GLMN: variants seen among roughly 807,000 people sequenced by gnomAD.
GLMN encodes glomulin.
GLMN carries 75 observed loss-of-function variants against 87.8 expected under a neutral mutation model. The ratio of observed to expected loss-of-function variants is 0.85; its 90% CI spans 0.71 to 1.04. The LOEUF is 1.04. GLMN is among the 50% of genes least tolerant of loss of function. The pLI, the probability that GLMN is intolerant of heterozygous loss-of-function variation, is 0.00. For synonymous variants in GLMN, 206 were observed against 221.6 expected (o/e 0.93, Z 0.63); for missense variants, 588 against 658.8 (o/e 0.89, Z 1.18).
At chr1:92,361,748 T>C in the GLMN span, among the ~76,000 whole-genome samples, 1 of 152,222 alleles carries the variant, frequency 6.6e-6, no homozygotes, top group Admixed American at 6.5e-5. Context: ...ATCTTTTAAT[T>C]CATTAGTTAT....
In GLMN at chr1:92,262,938, A is replaced by C; in HGVS notation, c.1410-12T>G. 1.0e-6 allele frequency: 1 copy of C among 963,890 alleles called. No homozygotes were observed. The highest frequency in any genetic ancestry group is 1.7e-6 in the Non-Finnish European group (1 of 592,822). The allele number at this position is 963,890 out of a possible 1,614,324, so 59.7% of individuals were successfully genotyped here. A position where few individuals can be genotyped will look rare whatever the true frequency, so the allele number is the denominator to read the frequency against. On this transcript the variant is annotated splice_polypyrimidine_tract_variant and intron_variant, in intron 15 of 18. Transcript: ENST00000370360. ...ATGAAGCCATAATCCTGTTAATTAA[A>C]AATATATGTTACTTACAGTATGGTT...
the GLMN span, among the ~76,000 whole-genome samples, chr1:92,328,775 T>A: frequency 2.5e-4 from 38 of 152,338 alleles, no homozygotes; most frequent in African/African-American, 8.9e-4. Context: ...TTGGGTAGAC[T>A]GTGAGAAGGA....
intron 13 of GLMN, among the ~76,000 whole-genome samples, chr1:92,265,649 G>A (rs1320975337): frequency 6.6e-6 from 1 of 152,080 alleles, no homozygotes; most frequent in Non-Finnish European, 1.5e-5. Context: ...TGCACCTGTA[G>A]TCCCAGCTAC....
the GLMN span, among the ~76,000 whole-genome samples, chr1:92,359,267 AGTAG>A: frequency 2.6e-5 from 4 of 152,226 alleles, no homozygotes; most frequent in Admixed American, 1.3e-4. Context: ...CCTTCTGGGA[AGTAG>A]GTAGGAAGAA....
At chr1:92,336,234 C>A in the GLMN span, 1 of 695,278 alleles carries the variant, frequency 1.4e-6, no homozygotes, top group South Asian at 1.7e-5. Context: ...TAAATCATGA[C>A]TGCTTCCATC....
chr1:92,342,122 C>T, the GLMN span, among the ~76,000 whole-genome samples: 77 of 152,260 alleles, frequency 5.1e-4, no homozygotes, highest in African/African-American at 1.8e-3. Flanking sequence ...CAAAAATATG[C>T]CCTTTTCCTT....
At chr1:92,287,532 G>A (rs1648915478) in intron 6 of GLMN, among the ~76,000 whole-genome samples, 1 of 151,208 alleles carries the variant, frequency 6.6e-6, no homozygotes, top group Non-Finnish European at 1.5e-5. Flanking sequence ...GTAGAGACAG[G>A]GTCTCACTAT....
chr1:92,350,727 G>A, the GLMN span, among the ~76,000 whole-genome samples: 2 of 152,124 alleles, frequency 1.3e-5, no homozygotes, highest in African/African-American at 4.8e-5. Context: ...ATCAGTTGAA[G>A]TCAGGACCAG....
chr1:92,300,846 A>G (rs560653594), upstream of GLMN, among the ~76,000 whole-genome samples: 44 of 152,364 alleles, frequency 2.9e-4, no homozygotes, highest in Non-Finnish European at 4.6e-4. Flanking sequence ...CTCTGAAGAT[A>G]TGGTGAACAG....
chr1:92,257,297 A>T lies in GLMN; in HGVS notation c.1473+5566T>A, dbSNP rs1260543510. Among the ~76,000 whole-genome samples, 5 of 152,346 alleles carry T rather than the reference A, an allele frequency of 3.3e-5. No homozygotes were observed. The South Asian group carries it at 8.3e-4, about 25-fold the overall frequency. On this transcript the variant is annotated intron_variant, in intron 16 of 18. Coordinates refer to ENST00000370360, the MANE Select transcript of GLMN (RefSeq NM_053274.3). Reference sequence around the variant, plus strand: ...TCCATGCTCATCGGTAGGAAGAATCAATATTGTGAAAATGGCCATACCGCC... The same window carrying T: ...TCCATGCTCATCGGTAGGAAGAATCTATATTGTGAAAATGGCCATACCGCC...
chr1:92,299,324 C>T (rs1422320703), upstream of GLMN, among the ~76,000 whole-genome samples: 1 of 152,164 alleles, frequency 6.6e-6, no homozygotes, highest in Non-Finnish European at 1.5e-5. Context: ...ATTTCCTGGC[C>T]GCCCCTCACC....
chr1:92,294,385 G>C (rs185426039), intron 3 of GLMN, among the ~76,000 whole-genome samples: 4 of 152,162 alleles, frequency 2.6e-5, no homozygotes, highest in Admixed American at 2.6e-4. Flanking sequence ...TCTGCAGGGG[G>C]TACATTCCAG....
the GLMN span, among the ~76,000 whole-genome samples, chr1:92,322,575 A>G: frequency 9.0e-4 from 135 of 150,558 alleles, 1 homozygote; most frequent in African/African-American, 2.7e-3. Flanking sequence ...AATACAAAAA[A>G]TAAAAAATAA....
rs558055731 is a variant in GLMN at position 92,264,864 on chromosome 1, CAG to C, written c.1215-228_1215-227del. On this transcript the variant is annotated intron_variant, in intron 13 of 18. Transcript: ENST00000370360. The stretch of plus-strand genomic sequence containing the variant: ...ATTTATTTTATTTTACTTTTTTAGA[CAG>C]AGTCTCGCCCTGTCGCCCAGGCTGG... Among the ~76,000 whole-genome samples, 14 of 152,266 alleles carry C rather than the reference CAG, an allele frequency of 9.2e-5. No individual in the cohort carries two copies. In the East Asian group the frequency reaches 2.7e-3, roughly 29 times the overall value.
At chr1:92,345,408 G>T in the GLMN span, among the ~76,000 whole-genome samples, 14 of 127,416 alleles carry the variant, frequency 1.1e-4, no homozygotes, top group Non-Finnish European at 2.1e-4. Flanking sequence ...AAAAGAGAGA[G>T]AGAGAAGAAA....
At chr1:92,280,121 T>TA (rs1266385418) in intron 7 of GLMN, among the ~76,000 whole-genome samples, 1 of 152,222 alleles carries the variant, frequency 6.6e-6, no homozygotes, top group African/African-American at 2.4e-5. Flanking sequence ...TCTCTCAGCA[T>TA]AGCATTCGAG....
In GLMN at chr1:92,266,685, C is replaced by T; in HGVS notation, c.1140+15G>A. Reference sequence around the variant, plus strand: ...CTGTAACTCATTATTCTTTAGTCACCAAATATTTACATACCAGTGTCTCAA... The same window carrying T: ...CTGTAACTCATTATTCTTTAGTCACTAAATATTTACATACCAGTGTCTCAA... On this transcript the variant is annotated intron_variant, in intron 12 of 18. Transcript: ENST00000370360. 1.3e-6 allele frequency: 2 copies of T among 1,542,002 alleles called. No individual in the cohort carries two copies. Among genetic ancestry groups the T allele is most frequent in the Non-Finnish European group, 1.8e-6 (2 of 1,116,538 alleles).
At chr1:92,315,896 G>A in the GLMN span, among the ~76,000 whole-genome samples, 1 of 152,186 alleles carries the variant, frequency 6.6e-6, no homozygotes, top group South Asian at 2.1e-4. Context: ...GGTCTGGGTC[G>A]TGACGCACTG....
At chr1:92,258,099 A>G (rs923481271) in intron 16 of GLMN, among the ~76,000 whole-genome samples, 12 of 152,260 alleles carry the variant, frequency 7.9e-5, no homozygotes, top group African/African-American at 2.9e-4. Flanking sequence ...TGGGCAAAGG[A>G]TATGAACAGA....
Sources: allele counts gnomAD v4.1 joint callset (sites outside exome capture counted in the v4.1 genomes callset), GRCh38; gene constraint gnomAD v4.1.1; transcripts MANE v1.5; gene names NCBI Gene and HGNC (gene_info 2026-07-23, HGNC 2026-07-21).